Variants in BACH1 observed in about 807,000 individuals in gnomAD.
BACH1 encodes the protein transcription regulator protein BACH1.
A neutral mutation model predicts 52.9 loss-of-function variants in BACH1; 35 were observed. The ratio of observed to expected loss-of-function variants is 0.66; its 90% confidence interval spans 0.51 to 0.88. BACH1 has a LOEUF of 0.88. Among genes scored for constraint, BACH1 ranks in the 40% least tolerant of loss-of-function variants. The pLI is 0.00. For synonymous variants in BACH1, 321 were observed against 319.6 expected, an observed-to-expected ratio of 1.00 and a Z score of -0.05; for missense variants, 808 against 872.6, an observed-to-expected ratio of 0.93 and a Z score of 0.93.
intron 1 of BACH1, among the ~76,000 whole-genome samples, chr21:29,313,886 G>A (rs561269027): frequency 8.4e-4 from 128 of 152,256 alleles, no homozygotes; most frequent in Non-Finnish European, 4.0e-4. Context: ...TGTCTTGGTT[G>A]GGGGGGGTGG....
At position 29,342,582 on chromosome 21, in the gene BACH1, G is replaced by GA. The variant is rs757183292; in HGVS notation, c.1965dup (p.Asp656ArgfsTer2). On this transcript the variant is annotated frameshift_variant, in exon 5 of 5. Transcript: ENST00000286800. LOFTEE classifies it low-confidence loss of function (END_TRUNC). Reference sequence around the variant, plus strand: ...TTGCCCACTTTCATTTTTAATTTCTGAAAAAGATAAAAGTACTCCTGATGG... The same window carrying GA: ...TTGCCCACTTTCATTTTTAATTTCTGAAAAAAGATAAAAGTACTCCTGATGG... The GA allele has an allele frequency of 7.4e-6, 12 of 1,614,044 alleles. No homozygotes were observed. In the Admixed American group the frequency reaches 2.0e-4, roughly 27 times the overall value.
rs975080487 is a variant in BACH1, at chr21:29,343,493, T to C, written c.*660T>C. ...TGCTTCTCCTCTTCAGTATGGACTCTAGAAAGTCTGGCTACATGAATAGAT... is the reference window on the plus strand; with the variant it reads ...TGCTTCTCCTCTTCAGTATGGACTCCAGAAAGTCTGGCTACATGAATAGAT... On this transcript the variant is annotated 3_prime_UTR_variant, in exon 5 of 5. Transcript: ENST00000286800. 3.3e-5 allele frequency: 5 copies of C among 152,272 alleles called. No homozygotes were observed. The highest frequency in any genetic ancestry group is 1.2e-4 in the African/African-American group (5 of 41,468). 9.4% of individuals were successfully genotyped at this position (152,272 alleles called of 1,614,324 possible). A position where few individuals can be genotyped will look rare whatever the true frequency, so the allele number is the denominator to read the frequency against.
chr21:29,331,852 AT>A (rs1214592349), intron 4 of BACH1, among the ~76,000 whole-genome samples: 1 of 152,084 alleles, frequency 6.6e-6, no homozygotes, highest in African/African-American at 2.4e-5. Flanking sequence ...AATACTATGT[AT>A]TTTTTATTAT....
downstream of BACH1, among the ~76,000 whole-genome samples, chr21:29,350,946 A>G (rs958037865): frequency 5.9e-5 from 9 of 152,236 alleles, no homozygotes; most frequent in Non-Finnish European, 8.8e-5. Context: ...TAGCGGGAAC[A>G]TAGGTTCAGG....
chr21:29,322,430 T>A (rs1208566278), intron 2 of BACH1, among the ~76,000 whole-genome samples: 4 of 152,224 alleles, frequency 2.6e-5, no homozygotes, highest in Non-Finnish European at 5.9e-5. Context: ...CTCTGGTCTG[T>A]TGTGGAGCTC....
intron 1 of BACH1, among the ~76,000 whole-genome samples, chr21:29,320,585 G>A (rs1006737946): frequency 9.2e-5 from 14 of 152,310 alleles, no homozygotes; most frequent in Non-Finnish European, 1.6e-4. Context: ...TATTTGTAGT[G>A]TGAAGTAAAT....
intron 2 of BACH1, among the ~76,000 whole-genome samples, chr21:29,357,596 GA>G (rs1446008846): frequency 6.6e-6 from 1 of 152,092 alleles, no homozygotes; most frequent in Non-Finnish European, 1.5e-5. Flanking sequence ...GTATTATTTT[GA>G]TAGCCTCTGA....
downstream of BACH1, among the ~76,000 whole-genome samples, chr21:29,349,921 A>G (rs1224821855): frequency 6.6e-6 from 1 of 152,142 alleles, no homozygotes; most frequent in Non-Finnish European, 1.5e-5. Flanking sequence ...AAGGAATTGC[A>G]CTATGAGAGG....
Position 29,327,214 on chromosome 21 carries a change from A to G in BACH1, c.1390A>G (p.Ile464Val), listed in dbSNP as rs771433838. Residue 464 changes from isoleucine to valine, a missense_variant, in exon 3 of 5, where the codon ATA (isoleucine) becomes GTA (valine). Physicochemically the swap from Ile to Val is conservative, Grantham distance 29. Transcript: ENST00000286800. The part of the protein sequence containing the change: ...TTLSSVNCPF[I>V]STLSTEGCSS... ...ATTAAGTTCTGTCAACTGCCCTTTT[A>G]TAAGTACTCTGAGTACTGAAGGCTG... The G allele has an allele frequency of 1.9e-6, 3 of 1,614,110 alleles. No homozygotes were observed. The highest frequency in any genetic ancestry group is 1.3e-5 in the African/African-American group (1 of 74,934).
At position 29,317,449 on chromosome 21, in the gene BACH1, G is replaced by T. The variant is rs2088800434; in HGVS notation, c.-60-3772G>T. 3.9e-5 allele frequency among the ~76,000 whole-genome samples: 6 copies of T among 152,320 alleles called. No individual in the cohort carries two copies. In the South Asian group the frequency reaches 1.2e-3, roughly 32 times the overall value. On this transcript the variant is annotated intron_variant, in intron 1 of 4. Coordinates refer to ENST00000286800, the MANE Select transcript of BACH1 (RefSeq NM_001186.4). ...TGAGGCATTAGCTGGCTGAAGAGTAGAAGTCCAGATAGTGGCCACAGTGTA... is the reference window on the plus strand; with the variant it reads ...TGAGGCATTAGCTGGCTGAAGAGTATAAGTCCAGATAGTGGCCACAGTGTA...
intron 2 of BACH1, among the ~76,000 whole-genome samples, chr21:29,355,456 C>G (rs1470021856): frequency 2.0e-5 from 3 of 152,216 alleles, no homozygotes; most frequent in Non-Finnish European, 4.4e-5. Flanking sequence ...CAGCTGGCTT[C>G]ACCTCTCAAT....
intron 4 of BACH1, among the ~76,000 whole-genome samples, chr21:29,337,043 G>T (rs1309093767): frequency 6.6e-6 from 1 of 152,006 alleles, no homozygotes; most frequent in Non-Finnish European, 1.5e-5. Context: ...AATTTTTTCT[G>T]ATTCAATTTG....
intron 4 of BACH1, among the ~76,000 whole-genome samples, chr21:29,340,320 T>C (rs929025173): frequency 6.6e-6 from 1 of 152,218 alleles, no homozygotes; most frequent in African/African-American, 2.4e-5. Flanking sequence ...ATGGGAACAT[T>C]TAATTTATAG....
intron 1 of BACH1, 128 bp from the exon 2 acceptor site, chr21:29,321,093 T>C (rs2088842120): frequency 1.7e-6 from 1 of 584,402 alleles, no homozygotes; most frequent in Non-Finnish European, 3.0e-6. Flanking sequence ...TAAATGCCTC[T>C]AGGTTGTTCC....
intron 2 of BACH1, among the ~76,000 whole-genome samples, chr21:29,353,645 G>T (rs1483441134): frequency 6.6e-6 from 1 of 152,160 alleles, no homozygotes; most frequent in Non-Finnish European, 1.5e-5. Flanking sequence ...AGAAGATAGA[G>T]AATTTTGTTA....
intron 1 of BACH1, among the ~76,000 whole-genome samples, chr21:29,302,346 T>A (rs2088612817): frequency 6.6e-6 from 1 of 152,198 alleles, no homozygotes; most frequent in African/African-American, 2.4e-5. Flanking sequence ...GCTAAAACAT[T>A]GACTTACACT....
chr21:29,313,464 A>G (rs1286265390), intron 1 of BACH1, among the ~76,000 whole-genome samples: 2 of 152,256 alleles, frequency 1.3e-5, no homozygotes, highest in Non-Finnish European at 2.9e-5. Context: ...AAAGTGATAC[A>G]CGAAATATAT....
intron 2 of BACH1, chr21:29,361,865 T>G (rs2089273666): frequency 6.6e-6 from 1 of 152,250 alleles, no homozygotes; most frequent in Admixed American, 6.5e-5. Context: ...GCCATTCTGA[T>G]GTAATTATTA....
downstream of BACH1, among the ~76,000 whole-genome samples, chr21:29,348,503 C>T (rs1281469979): frequency 2.0e-5 from 3 of 152,118 alleles, no homozygotes; most frequent in African/African-American, 4.8e-5. Flanking sequence ...CCCAAAGATG[C>T]CCCAGTGTTC....
Sources: gnomAD v4.1 joint callset for allele counts (sites outside exome capture counted in the v4.1 genomes callset) on GRCh38, gnomAD v4.1.1 for gene constraint, MANE v1.5 for transcripts, NCBI Gene and HGNC (gene_info 2026-07-23, HGNC 2026-07-21) for gene names.